STARD13: variants seen among roughly 807,000 people sequenced by gnomAD.
STARD13 encodes StAR related lipid transfer domain containing 13.
STARD13 carries 62 observed loss-of-function variants against 106.4 expected under a neutral mutation model. The observed-to-expected ratio is 0.58, with a 90% CI of 0.48 to 0.72. STARD13 has a LOEUF of 0.72. Ranked by LOEUF, STARD13 falls within the 30% of genes least tolerant of loss-of-function variation. The pLI is 0.00. For synonymous variants in STARD13, 565 were observed against 553.0 expected, an observed-to-expected ratio of 1.02 and a Z score of -0.31; for missense variants, 1,387 against 1,424.0, an observed-to-expected ratio of 0.97 and a Z score of 0.42.
rs1263420182 is a variant in STARD13, at chr13:33,343,589, A to AAAAAAAAC, written c.124+6700_124+6701insGTTTTTTT. On this transcript the variant is annotated intron_variant, in intron 1 of 5. Coordinates refer to the STARD13 transcript ENST00000567873. ...TGAGACCCTGTCTTAAAAAAAAAAA[A>AAAAAAAAC]AAAAAAAACAAATCTACAAATCTAG... is the stretch of plus-strand genomic sequence containing the variant. Among the ~76,000 whole-genome samples the AAAAAAAAC allele has an allele frequency of 1.6e-3, 146 of 91,812 alleles. 1 individual carries two copies. The highest frequency in any genetic ancestry group is 3.2e-3 in the Admixed American group (32 of 9,984). 60.2% of individuals were successfully genotyped at this position (91,812 alleles called of 152,430 possible). A position where few individuals can be genotyped will look rare whatever the true frequency, so the allele number is the denominator to read the frequency against.
the STARD13 span, among the ~76,000 whole-genome samples, chr13:33,445,523 T>C: frequency 6.6e-6 from 1 of 151,364 alleles, no homozygotes; most frequent in East Asian, 1.9e-4. Context: ...TTGTTATAGG[T>C]GAATTATATC....
chr13:33,331,613 G>T (rs2077837874), intron 1 of STARD13, among the ~76,000 whole-genome samples: 1 of 149,446 alleles, frequency 6.7e-6, no homozygotes, highest in Non-Finnish European at 1.5e-5. Flanking sequence ...TGGTCCACCT[G>T]CCTCAGGCTC....
At chr13:33,632,581 C>A in the STARD13 span, among the ~76,000 whole-genome samples, 1 of 152,130 alleles carries the variant, frequency 6.6e-6, no homozygotes, top group African/African-American at 2.4e-5. Context: ...TAAGTGGGAG[C>A]AAAAGCTTTT....
At chr13:33,634,905 T>G in the STARD13 span, among the ~76,000 whole-genome samples, 1 of 152,278 alleles carries the variant, frequency 6.6e-6, no homozygotes, top group African/African-American at 2.4e-5. Flanking sequence ...GCTCTGTCAT[T>G]TCCCCAGAAT....
intron 3 of STARD13, among the ~76,000 whole-genome samples, chr13:33,144,200 T>G (rs538117903): frequency 6.6e-6 from 1 of 152,328 alleles, no homozygotes; most frequent in South Asian, 2.1e-4. Flanking sequence ...CAGAGTCACA[T>G]TCTGCATTCT....
At chr13:33,145,060 T>TA (rs1054052008) in intron 3 of STARD13, among the ~76,000 whole-genome samples, 1 of 152,228 alleles carries the variant, frequency 6.6e-6, no homozygotes, top group African/African-American at 2.4e-5. Context: ...TTATTGCCCC[T>TA]AAACTCAGAT....
chr13:33,554,686 C>G, the STARD13 span, among the ~76,000 whole-genome samples: 1 of 152,040 alleles, frequency 6.6e-6, no homozygotes, highest in Non-Finnish European at 1.5e-5. Context: ...ATTTATTTTT[C>G]ATATCCACTC....
chr13:33,649,265 G>A, the STARD13 span, among the ~76,000 whole-genome samples: 7 of 152,170 alleles, frequency 4.6e-5, no homozygotes, highest in East Asian at 9.6e-4. Context: ...TAGGTGAAAG[G>A]CCCTTCACAG....
intron 4 of STARD13, among the ~76,000 whole-genome samples, chr13:33,137,351 A>T (rs1175319497): frequency 6.6e-6 from 1 of 152,228 alleles, no homozygotes; most frequent in Non-Finnish European, 1.5e-5. Flanking sequence ...TCTCTCACCT[A>T]CTCAGCTCTG....
the STARD13 span, among the ~76,000 whole-genome samples, chr13:33,386,601 C>G: frequency 6.6e-6 from 1 of 152,162 alleles, no homozygotes; most frequent in Non-Finnish European, 1.5e-5. Context: ...GGGACGTGTG[C>G]CCACTGCCAT....
intron 1 of STARD13, among the ~76,000 whole-genome samples, chr13:33,334,528 C>T (rs7139875): frequency 0.99 from 151,066 of 152,296 alleles, 74,931 homozygotes; most frequent in South Asian, 1. Context: ...TGACACACAG[C>T]GGACCCTTGT....
At chr13:33,310,896 C>G (rs1893104678) in intron 1 of STARD13, among the ~76,000 whole-genome samples, 1 of 152,072 alleles carries the variant, frequency 6.6e-6, no homozygotes, top group African/African-American at 2.4e-5. Flanking sequence ...GGCTACAAAC[C>G]TGCACAGCAT....
the STARD13 span, among the ~76,000 whole-genome samples, chr13:33,675,436 G>A: frequency 6.6e-6 from 1 of 152,216 alleles, no homozygotes; most frequent in African/African-American, 2.4e-5. Flanking sequence ...TGCACCCTCA[G>A]ATTTTAGGTA....
chr13:33,389,444 G>A, the STARD13 span, among the ~76,000 whole-genome samples: 2 of 152,104 alleles, frequency 1.3e-5, no homozygotes, highest in Non-Finnish European at 1.5e-5. Flanking sequence ...TCTGGTGGAG[G>A]AGCGAGGGAG....
intron 1 of STARD13, among the ~76,000 whole-genome samples, chr13:33,215,123 G>A (rs369207926): frequency 5.4e-5 from 7 of 128,898 alleles, no homozygotes; most frequent in East Asian, 5.2e-4. Flanking sequence ...AGTACTTGGG[G>A]GGGGGGGTGG....
the STARD13 span, among the ~76,000 whole-genome samples, chr13:33,378,853 TA>T: frequency 2.6e-5 from 4 of 151,076 alleles, no homozygotes; most frequent in African/African-American, 9.7e-5. Context: ...CTCACACTTG[TA>T]ATCCTAGGAC....
chr13:33,350,246 GCCT>G (rs1471809678), intron 1 of STARD13: 1 of 1,501,710 alleles, frequency 6.7e-7, no homozygotes. Context: ...CGGGGCCGGC[GCCT>G]CCCCCGCCCC....
chr13:33,241,626 A>G (rs886875337), intron 1 of STARD13, among the ~76,000 whole-genome samples: 3 of 136,996 alleles, frequency 2.2e-5, no homozygotes, highest in African/African-American at 8.4e-5. Context: ...ATCTCAACTC[A>G]CTGCAACCTC....
chr13:33,502,613 C>A, the STARD13 span, among the ~76,000 whole-genome samples: 6 of 151,944 alleles, frequency 3.9e-5, no homozygotes, highest in Admixed American at 3.3e-4. Context: ...GAATTTTGTC[C>A]AAGGCCTTTT....
Sources: gnomAD v4.1 joint callset for allele counts (sites outside exome capture counted in the v4.1 genomes callset) on GRCh38, gnomAD v4.1.1 for gene constraint, MANE v1.5 for transcripts, NCBI Gene and HGNC (gene_info 2026-07-23, HGNC 2026-07-21) for gene names.